DCC: variants seen among roughly 807,000 people sequenced by gnomAD.
The protein encoded by DCC is DCC netrin 1 receptor, also known as netrin receptor DCC.
Under a neutral mutation model 172.5 loss-of-function variants are expected in DCC, and 58 were observed. That is an observed-to-expected ratio of 0.34 (90% CI 0.27 to 0.42). DCC has a LOEUF of 0.42. Among genes scored for constraint, DCC ranks in the 10% least tolerant of loss-of-function variants. The pLI, the probability that DCC is intolerant of heterozygous loss-of-function variation, is 1.00. For synonymous variants in DCC, 709 were observed against 644.5 expected, an observed-to-expected ratio of 1.10 and a Z score of -1.52; for missense variants, 1,740 against 1,791.0, an observed-to-expected ratio of 0.97 and a Z score of 0.51.
chr18:53,501,584 T>C (rs922656466), intron 27 of DCC, among the ~76,000 whole-genome samples: 15 of 151,278 alleles, frequency 9.9e-5, no homozygotes, highest in African/African-American at 3.6e-4. Flanking sequence ...AACTATTCTA[T>C]AGTAAAGAGG....
chr18:52,864,696 C>G (rs887077990), intron 2 of DCC, among the ~76,000 whole-genome samples: 1 of 151,906 alleles, frequency 6.6e-6, no homozygotes, highest in Non-Finnish European at 1.5e-5. Context: ...CCCAATCCCC[C>G]CAACAGGCCC....
At chr18:52,905,021 G>T (rs1395045838) in intron 2 of DCC, among the ~76,000 whole-genome samples, 1 of 152,082 alleles carries the variant, frequency 6.6e-6, no homozygotes, top group African/African-American at 2.4e-5. Flanking sequence ...GTTCATATCA[G>T]GGGGTTTGAG....
At chr18:52,469,318 A>G (rs1466978411) in intron 1 of DCC, among the ~76,000 whole-genome samples, 1 of 152,120 alleles carries the variant, frequency 6.6e-6, no homozygotes, top group Non-Finnish European at 1.5e-5. Flanking sequence ...TCAGGTGGCC[A>G]TCCGCCCACC....
chr18:52,710,161 T>C (rs75689730), intron 1 of DCC, among the ~76,000 whole-genome samples: 5,371 of 152,316 alleles, frequency 0.035, 145 homozygotes, highest in East Asian at 0.089. Flanking sequence ...GCTGCATTTT[T>C]AACTGAAAAA....
intron 9 of DCC, among the ~76,000 whole-genome samples, chr18:53,186,650 A>C (rs2055286743): frequency 6.6e-6 from 1 of 152,236 alleles, no homozygotes. Context: ...AGCACCAACT[A>C]TGTATCCAGC....
intron 1 of DCC, among the ~76,000 whole-genome samples, chr18:52,357,136 G>A (rs1050514668): frequency 6.6e-6 from 1 of 152,048 alleles, no homozygotes; most frequent in Non-Finnish European, 1.5e-5. Flanking sequence ...TCCAAAAGCA[G>A]GACATTCTAC....
chr18:53,270,632 G>T (rs992672594), intron 12 of DCC, among the ~76,000 whole-genome samples: 1 of 152,040 alleles, frequency 6.6e-6, no homozygotes, highest in African/African-American at 2.4e-5. Context: ...ACTTCTTACA[G>T]TTTTACTTTG....
intron 3 of DCC, among the ~76,000 whole-genome samples, chr18:52,922,370 G>GA (rs1474852527): frequency 6.6e-6 from 1 of 152,074 alleles, no homozygotes; most frequent in Admixed American, 6.6e-5. Context: ...GGCTAATGAA[G>GA]ACTAAAGATA....
rs2042904749 is a variant in DCC, at chr18:53,086,460, TCTTCTTCTTCTTC to T, written c.1261+20298_1261+20310del. 8.2e-5 allele frequency among the ~76,000 whole-genome samples: 4 copies of T among 48,912 alleles called. 2 individuals are homozygous for T. The African/African-American group carries it at 9.4e-4, about 11-fold the overall frequency. The allele number at this position is 48,912 out of a possible 152,430, so 32.1% of individuals were successfully genotyped here. A position where few individuals can be genotyped will look rare whatever the true frequency, so the allele number is the denominator to read the frequency against. On this transcript the variant is annotated intron_variant, in intron 7 of 28. Transcript: ENST00000442544. ...CTTCTTCTTCTTCTTCCTTTCTTCT[TCTTCTTCTTCTTC>T]CTTTCTTCTTCTTCTTTCTTCTTCT...
intron 1 of DCC, among the ~76,000 whole-genome samples, chr18:52,741,629 A>T (rs1257410840): frequency 6.6e-6 from 1 of 152,088 alleles, no homozygotes; most frequent in Non-Finnish European, 1.5e-5. Flanking sequence ...TGCTCTCCTT[A>T]TTGAAACTCT....
chr18:52,445,224 C>T (rs141832286), intron 1 of DCC, among the ~76,000 whole-genome samples: 156 of 152,202 alleles, frequency 1.0e-3, no homozygotes, highest in Non-Finnish European at 1.8e-3. Context: ...AGTGGCAGCA[C>T]GCTCCATTCA....
At chr18:53,419,863 T>A (rs945708319) in intron 21 of DCC, among the ~76,000 whole-genome samples, 7 of 152,142 alleles carry the variant, frequency 4.6e-5, no homozygotes, top group South Asian at 2.1e-4. Context: ...TTATTTTTTT[T>A]AATTTTTTGA....
At chr18:53,485,868 G>A (rs1228052962) in intron 25 of DCC, among the ~76,000 whole-genome samples, 1 of 151,972 alleles carries the variant, frequency 6.6e-6, no homozygotes, top group Non-Finnish European at 1.5e-5. Flanking sequence ...TTTGGTAAAT[G>A]TGCATGCATG....
intron 1 of DCC, among the ~76,000 whole-genome samples, chr18:52,497,901 A>T (rs1007562665): frequency 4.6e-5 from 7 of 152,176 alleles, no homozygotes. Flanking sequence ...AGCTTGCCAG[A>T]CTAGAACAGG....
At chr18:52,345,871 T>G (rs957760487) in intron 1 of DCC, among the ~76,000 whole-genome samples, 4 of 152,216 alleles carry the variant, frequency 2.6e-5, no homozygotes, top group African/African-American at 7.2e-5. Flanking sequence ...CAGCCAATAT[T>G]ATTGAAGTTC....
chr18:52,654,181 G>T (rs113946338), intron 1 of DCC, among the ~76,000 whole-genome samples: 1 of 152,256 alleles, frequency 6.6e-6, no homozygotes, highest in Middle Eastern at 3.4e-3. Flanking sequence ...TGAAGCCCTT[G>T]ATAGGTATTG....
chr18:52,937,576 C>T (rs1380886753), intron 5 of DCC, among the ~76,000 whole-genome samples: 1 of 152,100 alleles, frequency 6.6e-6, no homozygotes, highest in Non-Finnish European at 1.5e-5. Context: ...GTGGCGTGAT[C>T]TCTGCTCACT....
At chr18:52,415,334 C>A (rs1200050660) in intron 1 of DCC, among the ~76,000 whole-genome samples, 5 of 152,158 alleles carry the variant, frequency 3.3e-5, no homozygotes, top group African/African-American at 1.2e-4. Flanking sequence ...TGGCGAGACA[C>A]TCTGGAAAGC....
At chr18:52,478,172 T>C (rs745673692) in intron 1 of DCC, among the ~76,000 whole-genome samples, 2 of 152,100 alleles carry the variant, frequency 1.3e-5, no homozygotes, top group African/African-American at 4.8e-5. Context: ...TTGAATGAAA[T>C]TTGTTACTTA....
Sources: allele counts gnomAD v4.1 joint callset (sites outside exome capture counted in the v4.1 genomes callset), GRCh38; gene constraint gnomAD v4.1.1; transcripts MANE v1.5; gene names NCBI Gene and HGNC (gene_info 2026-07-23, HGNC 2026-07-21).